The following ADRA1A variants were observed in gnomAD, a reference collection of about 807,000 sequenced individuals.
ADRA1A encodes adrenoceptor alpha 1A, also known as alpha-1A adrenergic receptor.
ADRA1A carries 31 observed loss-of-function variants against 29.6 expected under a neutral mutation model. The ratio of observed to expected loss-of-function variants is 1.05; its 90% CI spans 0.79 to 1.41. The LOEUF is 1.41. Among genes scored for constraint, ADRA1A ranks in the 40% most tolerant of loss-of-function variants. The pLI is 0.00. For missense variants in ADRA1A, 619 were observed against 601.1 expected (o/e 1.03, Z -0.31); for synonymous variants, 311 against 254.3 (o/e 1.22, Z -2.12).
In ADRA1A at chr8:26,815,404, G is replaced by A. The variant is rs1184199374; in HGVS notation, c.884-44738C>T. Among the ~76,000 whole-genome samples, 1 of 152,210 alleles carries A rather than the reference G, an allele frequency of 6.6e-6. No homozygotes were observed. The highest frequency in any genetic ancestry group is 1.5e-5 in the Non-Finnish European group (1 of 68,032). On this transcript the variant is annotated intron_variant, in intron 2 of 2. Transcript: ENST00000380573. This position sits in a 1 kb window ranked among gnomAD's most constrained non-coding sequence, Gnocchi z 4.2. ...AAAATTATCCAAAGCACTAAAACAA[G>A]AGGTAGCAAAAACCTAAGTATTAAT... is the stretch of plus-strand genomic sequence containing the variant.
chr8:26,823,241 A>G lies in ADRA1A; in HGVS notation c.883+40846T>C, dbSNP rs1343704474. Reference sequence around the variant, plus strand: ...TGCAAAGTGTGCTCTTGTCTGTGACACATGCTTCTTTGGCCACATGGTATA... The same window carrying G: ...TGCAAAGTGTGCTCTTGTCTGTGACGCATGCTTCTTTGGCCACATGGTATA... On this transcript the variant is annotated intron_variant, in intron 2 of 2. Transcript: ENST00000380573. This position sits in a 1 kb window ranked among gnomAD's most constrained non-coding sequence, Gnocchi z 4.2. 6.6e-6 allele frequency among the ~76,000 whole-genome samples: 1 copy of G among 152,158 alleles called. No homozygotes were observed. Among genetic ancestry groups the G allele is most frequent in the Non-Finnish European group, 1.5e-5 (1 of 68,036 alleles).
At chr8:26,817,176 A>G (rs912730049) in intron 2 of ADRA1A, among the ~76,000 whole-genome samples, 3 of 152,248 alleles carry the variant, frequency 2.0e-5, no homozygotes, top group African/African-American at 4.8e-5. Context: ...AAAACCATCA[A>G]ACGAAGTAAT....
At chr8:26,816,884 A>G (rs1166752711) in intron 2 of ADRA1A, among the ~76,000 whole-genome samples, 3 of 152,250 alleles carry the variant, frequency 2.0e-5, no homozygotes, top group Non-Finnish European at 4.4e-5. Context: ...CAAACATGTC[A>G]TAGACTCAAA....
upstream of ADRA1A, chr8:26,867,322 ATTACT>A: frequency 1.6e-5 from 16 of 985,300 alleles, no homozygotes; most frequent in Non-Finnish European, 1.9e-5. Flanking sequence ...CTGCTACCGT[ATTACT>A]CTACGGCAAC....
chr8:26,819,933 C>T (rs1316310815), intron 2 of ADRA1A, among the ~76,000 whole-genome samples: 1 of 151,874 alleles, frequency 6.6e-6, no homozygotes, highest in African/African-American at 2.4e-5. Context: ...TAAGTGGTAA[C>T]CAAAAGAGAG....
chr8:26,788,682 G>A (rs1807586332), intron 2 of ADRA1A, among the ~76,000 whole-genome samples: 1 of 152,104 alleles, frequency 6.6e-6, no homozygotes, highest in Non-Finnish European at 1.5e-5. Context: ...GAGACTCGGG[G>A]AGTTTAATAA....
chr8:26,819,356 T>C (rs1372116094), intron 2 of ADRA1A, among the ~76,000 whole-genome samples: 2 of 145,194 alleles, frequency 1.4e-5, no homozygotes, highest in Non-Finnish European at 3.0e-5. Context: ...TAAAATCATA[T>C]GAAAATATAA....
chr8:26,826,891 G>A (rs1810612045), intron 2 of ADRA1A, among the ~76,000 whole-genome samples: 1 of 152,200 alleles, frequency 6.6e-6, no homozygotes, highest in Non-Finnish European at 1.5e-5. Flanking sequence ...AATCTCATAA[G>A]ACCTCAGTCA....
rs1006107515 is a variant in ADRA1A, at chr8:26,815,561, G to T, written c.884-44895C>A. ...TAAAATTGGAAGGAAAATAAACAGA[G>T]ATCCCTACATGCAAGCTTGAACCCT... On this transcript the variant is annotated intron_variant, in intron 2 of 2. Coordinates refer to ENST00000380573, the MANE Select transcript of ADRA1A (RefSeq NM_000680.4). This position sits in a 1 kb window ranked among gnomAD's most constrained non-coding sequence, Gnocchi z 4.2. Among the ~76,000 whole-genome samples, 8 of 152,174 alleles carry T rather than the reference G, an allele frequency of 5.3e-5. No homozygotes were observed. Among genetic ancestry groups the T allele is most frequent in the African/African-American group, 1.9e-4 (8 of 41,434 alleles).
At chr8:26,751,103 C>T (rs1440005334) in intron 2 of ADRA1A, among the ~76,000 whole-genome samples, 1 of 151,908 alleles carries the variant, frequency 6.6e-6, no homozygotes, top group African/African-American at 2.4e-5. Context: ...AGTTGTTTCC[C>T]ATTTGGCTCT....
At chr8:26,851,133 C>T (rs936985914) in intron 2 of ADRA1A, among the ~76,000 whole-genome samples, 1 of 152,054 alleles carries the variant, frequency 6.6e-6, no homozygotes, top group Non-Finnish European at 1.5e-5. Flanking sequence ...AGAGGCAATA[C>T]AAAATTTAAT....
At chr8:26,776,347 C>G (rs572730823) in intron 2 of ADRA1A, among the ~76,000 whole-genome samples, 2 of 152,178 alleles carry the variant, frequency 1.3e-5, no homozygotes, top group Admixed American at 1.3e-4. Context: ...CCAGCTTCTG[C>G]GCTTCATTTT....
At chr8:26,767,568 T>C (rs553906482), downstream of ADRA1A, among the ~76,000 whole-genome samples, 5 of 152,224 alleles carry the variant, frequency 3.3e-5, no homozygotes, top group African/African-American at 1.2e-4. Flanking sequence ...TTACGGATAG[T>C]TTTACATGGA....
chr8:26,792,974 T>C (rs897858412), intron 2 of ADRA1A, among the ~76,000 whole-genome samples: 3 of 151,858 alleles, frequency 2.0e-5, no homozygotes, highest in African/African-American at 7.2e-5. Context: ...TATACTGTTA[T>C]GAAAGACACA....
intron 2 of ADRA1A, among the ~76,000 whole-genome samples, chr8:26,814,434 A>G (rs1196413447): frequency 6.6e-6 from 1 of 152,000 alleles, no homozygotes; most frequent in Non-Finnish European, 1.5e-5. Flanking sequence ...CTAATTTTAA[A>G]AAGTATTTGT....
chr8:26,757,513 C>CCG lies in ADRA1A; in HGVS notation c.1270-735_1270-734insCG, dbSNP rs1322012045. Among the ~76,000 whole-genome samples the CCG allele has an allele frequency of 8.5e-5, 9 of 106,312 alleles. No homozygotes were observed. In the East Asian group the frequency reaches 4.0e-3, roughly 48 times the overall value. 69.7% of individuals were successfully genotyped at this position (106,312 alleles called of 152,430 possible). A position where few individuals can be genotyped will look rare whatever the true frequency, so the allele number is the denominator to read the frequency against. ...AAGTCTGTCCCTTTTGCTTCCATTT[C>CCG]CCCCACCCCCCACCTCTGCTCCATC... is the stretch of plus-strand genomic sequence containing the variant. On this transcript the variant is annotated intron_variant, in intron 2 of 2. Coordinates refer to the ADRA1A transcript ENST00000380582.
downstream of ADRA1A, chr8:26,768,793 A>C (rs1172382199): frequency 4.8e-6 from 3 of 627,628 alleles, no homozygotes; most frequent in Non-Finnish European, 6.0e-6. Flanking sequence ...ATTTCAGAAA[A>C]GAGATACACA....
intron 2 of ADRA1A, among the ~76,000 whole-genome samples, chr8:26,807,813 A>G (rs1809106856): frequency 6.6e-6 from 1 of 152,124 alleles, no homozygotes; most frequent in Admixed American, 6.5e-5. Flanking sequence ...CACACCAAAG[A>G]GGCCAGGACC....
At position 26,860,021 on chromosome 8, in the gene ADRA1A, C is replaced by A. The variant is rs923694816; in HGVS notation, c.883+4066G>T. Among the ~76,000 whole-genome samples, 1 of 152,098 alleles carries A rather than the reference C, an allele frequency of 6.6e-6. No individual in the cohort carries two copies. Among genetic ancestry groups the A allele is most frequent in the Non-Finnish European group, 1.5e-5 (1 of 68,028 alleles). On this transcript the variant is annotated intron_variant, in intron 2 of 2. Transcript: ENST00000380573. The surrounding 1 kb of genome is among the most constrained non-coding windows in gnomAD (Gnocchi z 4.7). ...GACCTCAAGTGATCCGCCTGCTCAG[C>A]CTCCCAAAGTGCTGGGATTAGAGGC...
Sources: allele counts gnomAD v4.1 joint callset (sites outside exome capture counted in the v4.1 genomes callset), GRCh38; gene constraint gnomAD v4.1.1; non-coding constraint Gnocchi (gnomAD v3.1); transcripts MANE v1.5; gene names NCBI Gene and HGNC (gene_info 2026-07-23, HGNC 2026-07-21).